LTBP1: variants seen among roughly 807,000 people sequenced by gnomAD.
The protein encoded by LTBP1 is latent transforming growth factor beta binding protein 1.
LTBP1 carries 129 observed loss-of-function variants against 207.6 expected under a neutral mutation model. The ratio of observed to expected loss-of-function variants is 0.62; its 90% CI spans 0.54 to 0.72. The LOEUF is 0.72. Ranked by LOEUF, LTBP1 falls within the 30% of genes least tolerant of loss-of-function variation. The pLI is 0.00. For missense variants in LTBP1, 2,281 were observed against 2,217.2 expected, an observed-to-expected ratio of 1.03 and a Z score of -0.58; for synonymous variants, 963 against 833.7, an observed-to-expected ratio of 1.16 and a Z score of -2.67.
At chr2:33,260,645 A>G (rs906766227) in intron 13 of LTBP1, among the ~76,000 whole-genome samples, 1 of 152,236 alleles carries the variant, frequency 6.6e-6, no homozygotes, top group Non-Finnish European at 1.5e-5. Context: ...AAGAGGTTAT[A>G]GTATTTTGAG....
intron 26 of LTBP1, among the ~76,000 whole-genome samples, chr2:33,354,348 AAAGT>A (rs1313713460): frequency 6.6e-6 from 1 of 152,172 alleles, no homozygotes; most frequent in African/African-American, 2.4e-5. Context: ...AATATTAAAG[AAAGT>A]AAGACCACAG....
chr2:32,993,835 A>G (rs868071593), intron 2 of LTBP1, among the ~76,000 whole-genome samples: 1 of 152,308 alleles, frequency 6.6e-6, no homozygotes, highest in South Asian at 2.1e-4. Flanking sequence ...CACATGGCAC[A>G]TGGCTCATTT....
chr2:33,164,870 A>G (rs1349307446), intron 5 of LTBP1, among the ~76,000 whole-genome samples: 1 of 152,236 alleles, frequency 6.6e-6, no homozygotes, highest in Non-Finnish European at 1.5e-5. Flanking sequence ...CTTATGATGC[A>G]TATTTGTGCA....
chr2:32,953,421 C>T (rs531135322), intron 2 of LTBP1, among the ~76,000 whole-genome samples: 49 of 152,308 alleles, frequency 3.2e-4, no homozygotes, highest in Non-Finnish European at 5.7e-4. Context: ...TGAGGTTTAC[C>T]ATGACAACTG....
intron 3 of LTBP1, among the ~76,000 whole-genome samples, chr2:33,103,153 TAC>T (rs1300944996): frequency 6.6e-6 from 1 of 152,126 alleles, no homozygotes; most frequent in African/African-American, 2.4e-5. Context: ...CTATGTTGTA[TAC>T]ACAGTCTGTA....
At chr2:33,161,791 G>C (rs2084491727) in intron 5 of LTBP1, among the ~76,000 whole-genome samples, 1 of 152,212 alleles carries the variant, frequency 6.6e-6, no homozygotes, top group Non-Finnish European at 1.5e-5. Context: ...AACCTGCATT[G>C]TAGACTATAA....
intron 31 of LTBP1, among the ~76,000 whole-genome samples, chr2:33,385,700 C>T (rs183823119): frequency 3.9e-5 from 6 of 152,314 alleles, no homozygotes; most frequent in South Asian, 2.1e-4. Context: ...CATTACCCCA[C>T]GATCCTGGCC....
intron 7 of LTBP1, among the ~76,000 whole-genome samples, chr2:33,198,541 G>A (rs2088834347): frequency 6.6e-6 from 1 of 152,278 alleles, no homozygotes; most frequent in Non-Finnish European, 1.5e-5. Flanking sequence ...ACTCTTTTTG[G>A]TTGGTAAGCT....
chr2:33,290,603 G>A (rs983625866), intron 19 of LTBP1, among the ~76,000 whole-genome samples: 5 of 152,178 alleles, frequency 3.3e-5, no homozygotes, highest in Non-Finnish European at 5.9e-5. Flanking sequence ...GCAGTAACTC[G>A]GGTGAGAAAG....
intron 2 of LTBP1, among the ~76,000 whole-genome samples, chr2:32,962,782 G>C (rs1022054588): frequency 6.6e-6 from 1 of 152,234 alleles, no homozygotes. Flanking sequence ...GGCTCTCAAA[G>C]TATAGACCCT....
At chr2:33,181,429 C>T (rs775322178) in intron 5 of LTBP1, among the ~76,000 whole-genome samples, 5 of 152,184 alleles carry the variant, frequency 3.3e-5, no homozygotes, top group Non-Finnish European at 4.4e-5. Context: ...ACAACTGAAA[C>T]GCCTGACTTA....
At chr2:33,394,140 TTTGA>T (rs1202272610) in intron 32 of LTBP1, among the ~76,000 whole-genome samples, 2 of 152,202 alleles carry the variant, frequency 1.3e-5, no homozygotes, top group Non-Finnish European at 2.9e-5. Context: ...GATGGGGTTG[TTTGA>T]TTTTTTTTCT....
chr2:33,315,903 C>T (rs906402216), intron 24 of LTBP1, among the ~76,000 whole-genome samples: 3 of 152,260 alleles, frequency 2.0e-5, no homozygotes, highest in Admixed American at 6.5e-5. Context: ...CACCATTGCA[C>T]TCCAGCCTGG....
chr2:33,093,367 C>T (rs1015082327), intron 3 of LTBP1, among the ~76,000 whole-genome samples: 10 of 151,908 alleles, frequency 6.6e-5, no homozygotes, highest in African/African-American at 1.5e-4. Flanking sequence ...CTGTTGTTCA[C>T]GGATTCTAAT....
chr2:33,171,306 T>C (rs1221371554), intron 5 of LTBP1, among the ~76,000 whole-genome samples: 1 of 136,134 alleles, frequency 7.3e-6, no homozygotes, highest in Non-Finnish European at 1.6e-5. Flanking sequence ...TACAGAGAAG[T>C]GCTTAAAGGA....
intron 3 of LTBP1, among the ~76,000 whole-genome samples, chr2:33,101,069 G>A (rs1490825320): frequency 6.6e-6 from 1 of 152,116 alleles, no homozygotes; most frequent in Non-Finnish European, 1.5e-5. Flanking sequence ...CAAATTATAT[G>A]GTAATTCTGT....
intron 8 of LTBP1, among the ~76,000 whole-genome samples, 190 bp downstream of exon 8, chr2:33,217,844 A>G (rs2090830317): frequency 6.6e-6 from 1 of 152,248 alleles, no homozygotes; most frequent in Non-Finnish European, 1.5e-5. Flanking sequence ...TTATTTTGTA[A>G]TAAGCACAGT....
intron 24 of LTBP1, among the ~76,000 whole-genome samples, chr2:33,340,383 G>A (rs2094604531): frequency 6.6e-6 from 1 of 152,132 alleles, no homozygotes; most frequent in African/African-American, 2.4e-5. Context: ...GAGGAGAGGA[G>A]TGCTGAGCAC....
At chr2:33,068,270 A>T (rs746022056) in intron 3 of LTBP1, among the ~76,000 whole-genome samples, 1 of 150,892 alleles carries the variant, frequency 6.6e-6, no homozygotes, top group Non-Finnish European at 1.5e-5. Context: ...TTTTTTTTTT[A>T]AACAATAAAC....
Sources: gnomAD v4.1 joint callset for allele counts (sites outside exome capture counted in the v4.1 genomes callset) on GRCh38, gnomAD v4.1.1 for gene constraint, MANE v1.5 for transcripts, NCBI Gene and HGNC (gene_info 2026-07-23, HGNC 2026-07-21) for gene names.